Variants in RGS12 observed in about 807,000 individuals in gnomAD.
RGS12 encodes regulator of G-protein signaling 12.
A neutral mutation model predicts 120.1 loss-of-function variants in RGS12; 66 were observed. That is an observed-to-expected ratio of 0.55 (90% confidence interval 0.45 to 0.67). The LOEUF is 0.67. Among genes scored for constraint, RGS12 ranks in the 30% least tolerant of loss-of-function variants. The pLI is 0.00. For missense variants in RGS12, 1,859 were observed against 1,957.7 expected, an observed-to-expected ratio of 0.95 and a Z score of 0.95; for synonymous variants, 827 against 804.7, an observed-to-expected ratio of 1.03 and a Z score of -0.47.
rs1358228891 is a variant in RGS12, at chr4:3,430,515, G to C, written c.3674G>C (p.Gly1225Ala). The change falls in exon 17 of 18, where the codon GGT (glycine) becomes GCT (alanine). Residue 1225 changes from glycine to alanine, a missense_variant. By Grantham distance (60) the Gly-to-Ala change is moderately conservative. Around this residue, in one of 3 missense-constraint regions of RGS12, gnomAD observed 517 missense variants for 488.5 expected, o/e 1.06. Coordinates refer to ENST00000336727, the MANE Select transcript of RGS12 (RefSeq NM_001394154.1). ...VLPEFLRLPPGSTELTLPTPA... is the reference protein window; with the variant it reads ...VLPEFLRLPPASTELTLPTPA... ...CCAGAGTTCCTCCGTTTACCTCCTGGTTCCACAGAACTCACCCTCCCCACT... is the reference window on the plus strand; with the variant it reads ...CCAGAGTTCCTCCGTTTACCTCCTGCTTCCACAGAACTCACCCTCCCCACT... The C allele has an allele frequency of 1.9e-6, 3 of 1,613,608 alleles. No homozygotes were observed. The highest frequency in any genetic ancestry group is 8.5e-7 in the Non-Finnish European group (1 of 1,180,022).
At chr4:3,367,919 T>C (rs1716498433) in intron 3 of RGS12, among the ~76,000 whole-genome samples, 1 of 152,264 alleles carries the variant, frequency 6.6e-6, no homozygotes, top group Non-Finnish European at 1.5e-5. Flanking sequence ...TTGTGGGCTT[T>C]GCGAATAAAC....
At chr4:3,335,529 G>A (rs1397327223) in intron 2 of RGS12, among the ~76,000 whole-genome samples, 1 of 152,114 alleles carries the variant, frequency 6.6e-6, no homozygotes, top group Admixed American at 6.6e-5. Context: ...CCCCAGGGGC[G>A]CTCCCCGGAG....
chr4:3,366,996 C>G lies in RGS12; in HGVS notation c.1999-19420C>G, dbSNP rs1268504503. On this transcript the variant is annotated intron_variant, in intron 3 of 17. Transcript: ENST00000336727. The surrounding 1 kb of genome is among the most constrained non-coding windows in gnomAD (Gnocchi z 4.0). Reference sequence around the variant, plus strand: ...CCAGAATGCCCTCTGCCCCGCCACCCCCATCATCCCTGCTGCCCTGGCTGG... The same window carrying G: ...CCAGAATGCCCTCTGCCCCGCCACCGCCATCATCCCTGCTGCCCTGGCTGG... Among the ~76,000 whole-genome samples, 2 of 152,236 alleles carry G rather than the reference C, an allele frequency of 1.3e-5. No individual in the cohort carries two copies. Among genetic ancestry groups the G allele is most frequent in the Admixed American group, 1.3e-4 (2 of 15,286 alleles).
At chr4:3,427,997 G>C in intron 14 of RGS12, 93 bp from the exon 15 acceptor site, 1 of 1,218,422 alleles carries the variant, frequency 8.2e-7, no homozygotes, top group Non-Finnish European at 1.2e-6. Flanking sequence ...CTTCTCTACA[G>C]CTTTGCTCTC....
intron 2 of RGS12, among the ~76,000 whole-genome samples, chr4:3,341,034 C>T (rs1000237418): frequency 2.0e-5 from 3 of 151,544 alleles, no homozygotes; most frequent in Non-Finnish European, 4.4e-5. Context: ...AGCCTTCTCT[C>T]GGCCTGGTGG....
At chr4:3,417,602 C>T (rs751383420) in intron 9 of RGS12, 61 bp downstream of exon 9, 45 of 1,571,216 alleles carry the variant, frequency 2.9e-5, no homozygotes, top group African/African-American at 4.1e-5. Flanking sequence ...CCCGTCCTGG[C>T]GTCGCTCTGG....
intron 3 of RGS12, among the ~76,000 whole-genome samples, chr4:3,377,715 G>A (rs766589699): frequency 2.6e-5 from 4 of 152,088 alleles, no homozygotes; most frequent in South Asian, 2.1e-4. Context: ...CAAAATATCC[G>A]TGAATGTGGG....
chr4:3,353,895 C>T (rs1481376010), intron 3 of RGS12, among the ~76,000 whole-genome samples: 4 of 152,104 alleles, frequency 2.6e-5, no homozygotes, highest in Non-Finnish European at 4.4e-5. Context: ...AACCAGAAAG[C>T]TCTGGGCACT....
rs1016694959 is a variant in RGS12 at position 3,365,543 on chromosome 4, A to T, written c.1999-20873A>T. 1.5e-4 allele frequency among the ~76,000 whole-genome samples: 23 copies of T among 152,052 alleles called. No homozygotes were observed. Among genetic ancestry groups the T allele is most frequent in the African/African-American group, 5.6e-4 (23 of 41,378 alleles). On this transcript the variant is annotated intron_variant, in intron 3 of 17. Coordinates refer to ENST00000336727, the MANE Select transcript of RGS12 (RefSeq NM_001394154.1). The surrounding 1 kb of genome is among the most constrained non-coding windows in gnomAD (Gnocchi z 4.0). The stretch of plus-strand genomic sequence containing the variant: ...AAAAACCGACGGAGCCCTGAGTCCG[A>T]CCTAAGCCTTAGTGTGAGTCGGACA...
intron 4 of RGS12, chr4:3,407,335 G>A (rs774318917): frequency 6.6e-6 from 1 of 152,290 alleles, no homozygotes; most frequent in Non-Finnish European, 1.5e-5. Context: ...CCTGCGTGCA[G>A]GCAGGGCAGA....
In RGS12 at chr4:3,309,647, G is replaced by A. The variant is rs1307453397; in HGVS notation, c.-101-6423G>A. Among the ~76,000 whole-genome samples the A allele has an allele frequency of 1.2e-4, 13 of 109,958 alleles. 1 individual carries two copies. Among genetic ancestry groups the A allele is most frequent in the African/African-American group, 3.2e-4 (9 of 28,390 alleles). The allele number at this position is 109,958 out of a possible 152,430, so 72.1% of individuals were successfully genotyped here. A position where few individuals can be genotyped will look rare whatever the true frequency, so the allele number is the denominator to read the frequency against. On this transcript the variant is annotated intron_variant, in intron 1 of 17. Transcript: ENST00000336727. ...TGTCCGCTGAGGGGAACCGTGTGGG[G>A]GAGGAGCTGGGACCCTGGAATGGCA...
intron 17 of RGS12, 123 bp from the exon 18 acceptor site, chr4:3,439,332 T>G: frequency 1.3e-5 from 12 of 948,062 alleles, no homozygotes; most frequent in Non-Finnish European, 2.0e-5. Context: ...CTCTGGGATG[T>G]GTTTGGGATA....
At chr4:3,377,470 A>G (rs1560128068) in intron 3 of RGS12, among the ~76,000 whole-genome samples, 1 of 152,188 alleles carries the variant, frequency 6.6e-6, no homozygotes, top group Non-Finnish European at 1.5e-5. Flanking sequence ...CCGTTTTTTT[A>G]GGAACATCAA....
intron 3 of RGS12, among the ~76,000 whole-genome samples, chr4:3,353,728 G>T (rs75899370): frequency 0.018 from 2,745 of 152,208 alleles, 72 homozygotes; most frequent in African/African-American, 0.059. Context: ...TGGGAACTAG[G>T]GAAATGACCA....
intron 4 of RGS12, among the ~76,000 whole-genome samples, chr4:3,394,101 G>A (rs1719807035): frequency 6.6e-6 from 1 of 152,098 alleles, no homozygotes; most frequent in Non-Finnish European, 1.5e-5. Flanking sequence ...CTTCCTGCCG[G>A]CATCTCTCTG....
At chr4:3,353,116 C>T (rs1714527494) in intron 3 of RGS12, among the ~76,000 whole-genome samples, 1 of 152,184 alleles carries the variant, frequency 6.6e-6, no homozygotes, top group Non-Finnish European at 1.5e-5. Flanking sequence ...TCCAGTTAGC[C>T]TGATGTTAAA....
chr4:3,326,410 C>G (rs1725558403), intron 2 of RGS12, among the ~76,000 whole-genome samples: 1 of 152,162 alleles, frequency 6.6e-6, no homozygotes. Context: ...CCATGCCTGG[C>G]TAATTTTTAA....
At chr4:3,292,570 C>T (rs1049983397), upstream of RGS12, among the ~76,000 whole-genome samples, 1 of 152,228 alleles carries the variant, frequency 6.6e-6, no homozygotes, top group South Asian at 2.1e-4. Context: ...CCAACGGGAG[C>T]GGGACTTCCT....
At chr4:3,422,852 T>G in intron 11 of RGS12, 53 bp from the exon 12 acceptor site, 1 of 1,513,884 alleles carries the variant, frequency 6.6e-7, no homozygotes. Context: ...TGGGTCTGCG[T>G]TTGGGGGGCT....
Sources: gnomAD v4.1 joint callset for allele counts (sites outside exome capture counted in the v4.1 genomes callset) on GRCh38, gnomAD v4.1.1 for gene constraint, gnomAD v4.1.1 regional missense constraint, Gnocchi (gnomAD v3.1) non-coding constraint, MANE v1.5 for transcripts, NCBI Gene and HGNC (gene_info 2026-07-23, HGNC 2026-07-21) for gene names.